RALYL: variants seen among roughly 807,000 people sequenced by gnomAD.
RALYL encodes RALY RNA binding protein like.
RALYL carries 29 observed loss-of-function variants against 35.1 expected under a neutral mutation model. That is an observed-to-expected ratio of 0.83 (90% CI 0.61 to 1.13). RALYL has a LOEUF of 1.13. RALYL is among the 50% of genes most tolerant of loss of function. RALYL has a pLI of 0.00. For synonymous variants in RALYL, 120 were observed against 127.6 expected (o/e 0.94, Z 0.40); for missense variants, 359 against 360.4 (o/e 1.00, Z 0.03).
At chr8:84,553,039 G>A (rs752145491) in intron 2 of RALYL, among the ~76,000 whole-genome samples, 62 of 151,990 alleles carry the variant, frequency 4.1e-4, no homozygotes, top group Non-Finnish European at 1.9e-4. Flanking sequence ...GCAATTATAT[G>A]GAAAAATACT....
chr8:84,389,730 A>T (rs544105642), intron 1 of RALYL, among the ~76,000 whole-genome samples: 3 of 150,128 alleles, frequency 2.0e-5, no homozygotes, highest in Admixed American at 2.0e-4. Context: ...TTATCAGCTT[A>T]AGGAGATTTT....
At chr8:84,810,925 G>GGTGA (rs1825760465) in intron 4 of RALYL, among the ~76,000 whole-genome samples, 1 of 152,066 alleles carries the variant, frequency 6.6e-6, no homozygotes, top group African/African-American at 2.4e-5. Flanking sequence ...AGAGTTGATT[G>GGTGA]GTGAGTTCTT....
intron 1 of RALYL, among the ~76,000 whole-genome samples, chr8:84,304,618 G>T (rs1233589711): frequency 6.6e-6 from 1 of 151,902 alleles, no homozygotes; most frequent in Non-Finnish European, 1.5e-5. Context: ...TTTTTTAAAA[G>T]AAGTGACTTC....
chr8:84,577,866 T>C (rs1809837828), intron 2 of RALYL, among the ~76,000 whole-genome samples: 1 of 152,204 alleles, frequency 6.6e-6, no homozygotes, highest in Non-Finnish European at 1.5e-5. Context: ...TTTTGAATAG[T>C]CTAACAAAAC....
chr8:84,741,535 T>A (rs1807305082), intron 2 of RALYL, among the ~76,000 whole-genome samples: 1 of 151,972 alleles, frequency 6.6e-6, no homozygotes, highest in South Asian at 2.1e-4. Flanking sequence ...GAAGAGAAAC[T>A]AAAGGGTAAA....
chr8:84,415,377 T>A (rs1254490117), intron 1 of RALYL, among the ~76,000 whole-genome samples: 3 of 151,862 alleles, frequency 2.0e-5, no homozygotes, highest in African/African-American at 7.3e-5. Context: ...GTAGCTGGGA[T>A]TACAGGCGCC....
chr8:84,663,030 G>A (rs1831227402), intron 2 of RALYL, among the ~76,000 whole-genome samples: 1 of 151,976 alleles, frequency 6.6e-6, no homozygotes, highest in Non-Finnish European at 1.5e-5. Context: ...TCTCCTCCCT[G>A]AGTCCATGTG....
chr8:84,200,885 A>C (rs1013594146), intron 1 of RALYL, among the ~76,000 whole-genome samples: 10 of 152,178 alleles, frequency 6.6e-5, no homozygotes, highest in African/African-American at 2.4e-4. Flanking sequence ...TGTTTACATT[A>C]ATTTAAGCAA....
At chr8:84,713,863 T>A (rs1375499392) in intron 2 of RALYL, among the ~76,000 whole-genome samples, 1 of 151,146 alleles carries the variant, frequency 6.6e-6, no homozygotes, top group Non-Finnish European at 1.5e-5. Context: ...ATAAAATATA[T>A]GATATATATA....
At chr8:84,801,941 C>T (rs574083217) in intron 3 of RALYL, among the ~76,000 whole-genome samples, 78 of 152,144 alleles carry the variant, frequency 5.1e-4, no homozygotes, top group Middle Eastern at 3.4e-3. Context: ...ATTTCTAAAT[C>T]TAGGAAAATA....
chr8:84,567,631 C>T (rs2061877113), intron 2 of RALYL, among the ~76,000 whole-genome samples: 1 of 150,476 alleles, frequency 6.6e-6, no homozygotes, highest in Non-Finnish European at 1.5e-5. Context: ...GGTTCCATGA[C>T]TTTGCTATTG....
intron 4 of RALYL, among the ~76,000 whole-genome samples, chr8:84,823,621 C>G (rs2134263880): frequency 6.6e-6 from 1 of 152,196 alleles, no homozygotes; most frequent in East Asian, 1.9e-4. Flanking sequence ...CTCTCCCTTT[C>G]TCACCCCTCC....
intron 2 of RALYL, among the ~76,000 whole-genome samples, chr8:84,768,170 C>G (rs557981358): frequency 6.6e-6 from 1 of 152,286 alleles, no homozygotes; most frequent in Non-Finnish European, 1.5e-5. Flanking sequence ...AATCAGGGAA[C>G]AAAACCTCAG....
At chr8:84,250,065 T>C (rs1402497202) in intron 1 of RALYL, among the ~76,000 whole-genome samples, 2 of 152,070 alleles carry the variant, frequency 1.3e-5, no homozygotes, top group African/African-American at 4.8e-5. Flanking sequence ...GTGTCCTGCT[T>C]TATTAAACAG....
intron 1 of RALYL, among the ~76,000 whole-genome samples, chr8:84,409,614 A>T (rs2043901446): frequency 6.6e-6 from 1 of 152,010 alleles, no homozygotes; most frequent in Admixed American, 6.6e-5. Flanking sequence ...AATGTTTCTC[A>T]CTTAAGTTTA....
intron 2 of RALYL, among the ~76,000 whole-genome samples, chr8:84,564,144 T>C (rs1472507053): frequency 6.6e-6 from 1 of 151,810 alleles, no homozygotes; most frequent in Non-Finnish European, 1.5e-5. Flanking sequence ...AATATCATTA[T>C]ACTTAATTTT....
intron 4 of RALYL, among the ~76,000 whole-genome samples, chr8:84,825,328 T>A (rs1829434981): frequency 6.6e-6 from 1 of 151,820 alleles, no homozygotes; most frequent in African/African-American, 2.4e-5. Context: ...TGGCTATTAT[T>A]AAAAAAAATT....
chr8:84,780,197 A>T (rs909644121), intron 3 of RALYL, among the ~76,000 whole-genome samples: 2 of 152,058 alleles, frequency 1.3e-5, no homozygotes, highest in African/African-American at 4.8e-5. Flanking sequence ...CAGTGTGAGG[A>T]GGAGAGGGAA....
At chr8:84,556,107 T>A (rs528183645) in intron 2 of RALYL, among the ~76,000 whole-genome samples, 1 of 152,276 alleles carries the variant, frequency 6.6e-6, no homozygotes, top group Non-Finnish European at 1.5e-5. Context: ...TAAAACAAAA[T>A]AAGGTCACTT....
Sources: gnomAD v4.1 joint callset for allele counts (sites outside exome capture counted in the v4.1 genomes callset) on GRCh38, gnomAD v4.1.1 for gene constraint, MANE v1.5 for transcripts, NCBI Gene and HGNC (gene_info 2026-07-23, HGNC 2026-07-21) for gene names.